ITGA5: variants seen among roughly 807,000 people sequenced by gnomAD.
ITGA5 encodes integrin alpha-5.
A neutral mutation model predicts 146.3 loss-of-function variants in ITGA5; 55 were observed. The observed-to-expected ratio is 0.38, with a 90% CI of 0.30 to 0.47. The LOEUF (loss-of-function observed/expected upper bound fraction) is 0.47, where lower values mean the gene tolerates loss of function less well. Among genes scored for constraint, ITGA5 ranks in the 20% least tolerant of loss-of-function variants. The probability of loss-of-function intolerance (pLI) is 0.99; values close to 1 mark genes in which losing one functional copy is unlikely to be tolerated. For missense variants in ITGA5, 1,131 were observed against 1,329.0 expected (o/e 0.85, Z 2.32); for synonymous variants, 500 against 531.8 (o/e 0.94, Z 0.82).
At chr12:54,418,918 C>T (rs1956042471) in intron 1 of ITGA5, 63 bp downstream of exon 1, 2 of 1,575,984 alleles carry the variant, frequency 1.3e-6, no homozygotes, top group Non-Finnish European at 1.7e-6. Flanking sequence ...CAGACCCCAG[C>T]CGCGCCCCCA....
intron 19 of ITGA5, among the ~76,000 whole-genome samples, chr12:54,402,599 G>A (rs945648922): frequency 1.4e-4 from 21 of 151,902 alleles, no homozygotes; most frequent in Non-Finnish European, 2.4e-4. Context: ...TACTTGGGAC[G>A]CTGAGGCAGA....
intron 25 of ITGA5, 45 bp downstream of exon 25, chr12:54,400,801 C>A: frequency 6.3e-7 from 1 of 1,597,510 alleles, no homozygotes; most frequent in South Asian, 1.1e-5. Flanking sequence ...AGCCTTGGTC[C>A]TCTGAATCTG....
intron 27 of ITGA5, 135 bp from the exon 28 acceptor site, chr12:54,398,833 C>CTTTTTTTTT (rs1428509727): frequency 5.1e-6 from 2 of 389,752 alleles, no homozygotes; most frequent in African/African-American, 2.6e-5. Context: ...CTCTCTCTCT[C>CTTTTTTTTT]TCTTTTTTTT....
chr12:54,417,922 C>T (rs934208648), intron 1 of ITGA5, among the ~76,000 whole-genome samples: 15 of 152,196 alleles, frequency 9.9e-5, no homozygotes, highest in African/African-American at 3.4e-4. Context: ...GTTGCTTCCA[C>T]TCTAACTCCT....
chr12:54,412,084 G>T (rs1955953051), intron 1 of ITGA5, 120 bp from the exon 2 acceptor site: 1 of 724,092 alleles, frequency 1.4e-6, no homozygotes, highest in Non-Finnish European at 2.1e-6. Flanking sequence ...GATGCCCCCT[G>T]CGTTGTATTT....
Position 54,396,196 on chromosome 12 carries a change from G to A in ITGA5, c.*97C>T, listed in dbSNP as rs538248066. 417 of 973,784 alleles carry A rather than the reference G, an allele frequency of 4.3e-4. No homozygotes were observed. Among genetic ancestry groups the A allele is most frequent in the Middle Eastern group, 6.4e-4 (2 of 3,128 alleles). 60.3% of individuals were successfully genotyped at this position (973,784 alleles called of 1,614,324 possible). Reference sequence around the variant, plus strand: ...TGGGGAGAGGAGCTTCTCCCTGGCCGTCAGCACCTTCAAGAAGTACCCAGA... The same window carrying A: ...TGGGGAGAGGAGCTTCTCCCTGGCCATCAGCACCTTCAAGAAGTACCCAGA... On this transcript the variant is annotated 3_prime_UTR_variant, in exon 30 of 30. Transcript: ENST00000293379.
At position 54,403,304 on chromosome 12, in the gene ITGA5, G is replaced by C. The variant is rs529138964; in HGVS notation, c.1797C>G (p.Asp599Glu). The C allele has an allele frequency of 2.0e-6, 3 of 1,535,038 alleles. No individual in the cohort carries two copies. In the African/African-American group the frequency reaches 4.2e-5, roughly 21 times the overall value. The change falls in exon 18 of 30, where the codon GAC becomes GAG. Residue 599 changes from aspartate to glutamate, a missense_variant. Asp to Glu is a conservative substitution (Grantham distance 45). Coordinates refer to ENST00000293379, the MANE Select transcript of ITGA5 (RefSeq NM_002205.5). This position sits in a 1 kb window ranked among gnomAD's most constrained non-coding sequence, Gnocchi z 4.9. ...IYLRNESEFR[D>E]KLSPIHIALN... is the part of the protein sequence containing the mutation. ...GAGCGATGTGAATCGGCGAGAGTTT[G>C]TCTCGAAATTCTGACTCGTTCTGGG...
chr12:54,404,183 C>T lies in ITGA5; in HGVS notation c.1527G>A (p.Glu509=), dbSNP rs1404518068. ...TCCCCTCTAAGCTGCAGCTCCGCTC[C>T]TCTGGGTTGAACATGGCGGGGAAGA... ...LTIFPAMFNP[E]ERSCSLEGNP... The change falls in exon 15 of 30, where the codon GAG becomes GAA. Residue 509 remains glutamate (E), a synonymous_variant. Coordinates refer to ENST00000293379, the MANE Select transcript of ITGA5 (RefSeq NM_002205.5). 5.6e-6 allele frequency: 9 copies of T among 1,600,582 alleles called. No homozygotes were observed. The highest frequency in any genetic ancestry group is 2.7e-5 in the African/African-American group (2 of 74,484).
Position 54,403,561 on chromosome 12 carries a change from G to T in ITGA5, c.1776+64C>A. 1 of 1,531,774 alleles carries T rather than the reference G, an allele frequency of 6.5e-7. No individual in the cohort carries two copies. Among genetic ancestry groups the T allele is most frequent in the Non-Finnish European group, 8.8e-7 (1 of 1,130,884 alleles). 94.9% of individuals were successfully genotyped at this position (1,531,774 alleles called of 1,614,324 possible). ...TCCCCCAGTCTTTTTCCCTTCAGGA[G>T]GTGCCCTCAGTTCTGTGTGGCCACC... On this transcript the variant is annotated intron_variant, in intron 17 of 29. Coordinates refer to ENST00000293379, the MANE Select transcript of ITGA5 (RefSeq NM_002205.5). This position sits in a 1 kb window ranked among gnomAD's most constrained non-coding sequence, Gnocchi z 4.9.
intron 28 of ITGA5, among the ~76,000 whole-genome samples, chr12:54,397,891 A>G (rs1955732113): frequency 6.6e-6 from 1 of 151,308 alleles, no homozygotes; most frequent in African/African-American, 2.4e-5. Flanking sequence ...TCGGGCTTTC[A>G]TATCATATCC....
At chr12:54,400,795 T>G in intron 25 of ITGA5, 51 bp downstream of exon 25, 1 of 1,589,706 alleles carries the variant, frequency 6.3e-7, no homozygotes, top group Non-Finnish European at 8.6e-7. Flanking sequence ...CCCCTCAGCC[T>G]TGGTCCTCTG....
chr12:54,398,331 G>A (rs1188917106), intron 28 of ITGA5, among the ~76,000 whole-genome samples: 1 of 152,124 alleles, frequency 6.6e-6, no homozygotes, highest in East Asian at 1.9e-4. Context: ...AGTTAGACTG[G>A]GTTCAGGTGT....
chr12:54,408,860 C>T (rs1955903628), intron 5 of ITGA5, 33 bp downstream of exon 5: 2 of 1,613,612 alleles, frequency 1.2e-6, no homozygotes, highest in Non-Finnish European at 1.7e-6. Context: ...GTCCACCACC[C>T]ACGGCCCCTT....
At chr12:54,402,412 C>A in intron 19 of ITGA5, 82 bp from the exon 20 acceptor site, 4 of 1,353,436 alleles carry the variant, frequency 3.0e-6, no homozygotes, top group African/African-American at 1.5e-5. Flanking sequence ...AGTAGTAATA[C>A]GAGGCCGGGT....
chr12:54,405,298 C>A lies in ITGA5; in HGVS notation c.1093G>T (p.Val365Phe), dbSNP rs1419913852. 2 of 1,613,598 alleles carry A rather than the reference C, an allele frequency of 1.2e-6. No individual in the cohort carries two copies. The highest frequency in any genetic ancestry group is 2.2e-5 in the East Asian group (1 of 44,872). Residue 365 changes from valine to phenylalanine, a missense_variant, in exon 12 of 30, where the codon GTC becomes TTC. By Grantham distance (50) the Val-to-Phe change is conservative. Around this residue, in one of 3 missense-constraint regions of ITGA5, gnomAD observed 889 missense variants for 1,021.5 expected, o/e 0.87. Transcript: ENST00000293379. ...GCTGGGTGCTGCAGGTAGACGTAGACCCTGCCCACCTCCTGAGGCCGCCCG... is the reference window on the plus strand; with the variant it reads ...GCTGGGTGCTGCAGGTAGACGTAGAACCTGCCCACCTCCTGAGGCCGCCCG... Reference protein sequence around the residue: ...PDGRPQEVGRVYVYLQHPAGI... With the variant: ...PDGRPQEVGRFYVYLQHPAGI...
At chr12:54,408,429 A>C (rs1955895735) in intron 6 of ITGA5, among the ~76,000 whole-genome samples, 194 bp from the exon 7 acceptor site, 1 of 152,082 alleles carries the variant, frequency 6.6e-6, no homozygotes, top group Admixed American at 6.5e-5. Context: ...CAGGGGACTT[A>C]AAGAATGGCA....
rs778848462 is a variant in ITGA5, at chr12:54,402,986, A to G, written c.1979T>C (p.Phe660Ser). 2.5e-6 allele frequency: 4 copies of G among 1,613,908 alleles called. No individual in the cohort carries two copies. In the South Asian group the frequency reaches 3.3e-5, roughly 13 times the overall value. Residue 660 changes from phenylalanine to serine, a missense_variant, in exon 19 of 30, where the codon TTT becomes TCT. Phe to Ser is a radical substitution (Grantham distance 155). Coordinates refer to ENST00000293379, the MANE Select transcript of ITGA5 (RefSeq NM_002205.5). ...GCTTACCGTCAGCCCTACTTACCCA[A>G]ACACTTCCAGCTGCAGGTCAGGCAC... ...ICVPDLQLEV[F>S]GEQNHVYLGD...
chr12:54,396,314 A>T lies in ITGA5; in HGVS notation c.3129T>A (p.Pro1043=). ...GGACTCAGGCATCAGAGGTGGCTGG[A>T]GGCTTGAGCTGAGCTTTTTCCATGG... The part of the protein sequence containing the change: ...GTAMEKAQLK[P]PATSDA The change falls in exon 30 of 30, where the codon CCT becomes CCA. Residue 1043 remains proline, a synonymous_variant. Transcript: ENST00000293379. 1 of 1,613,980 alleles carries T rather than the reference A, an allele frequency of 6.2e-7. No homozygotes were observed. Among genetic ancestry groups the T allele is most frequent in the Non-Finnish European group, 8.5e-7 (1 of 1,179,856 alleles).
intron 12 of ITGA5, 67 bp downstream of exon 12, chr12:54,405,099 T>C: frequency 7.1e-7 from 1 of 1,410,476 alleles, no homozygotes; most frequent in Non-Finnish European, 9.7e-7. Flanking sequence ...ACAGATGCCC[T>C]CTCCCCAAAT....
Sources: allele counts gnomAD v4.1 joint callset (sites outside exome capture counted in the v4.1 genomes callset), GRCh38; gene constraint gnomAD v4.1.1; regional missense constraint gnomAD v4.1.1; non-coding constraint Gnocchi (gnomAD v3.1); transcripts MANE v1.5; gene names NCBI Gene and HGNC (gene_info 2026-07-23, HGNC 2026-07-21).